The following RAB2A variants were observed in gnomAD, a reference collection of about 807,000 sequenced individuals.
The protein encoded by RAB2A is RAB2A, member RAS oncogene family.
In RAB2A, 7 loss-of-function variants were observed where a neutral mutation model predicts 32.5. The ratio of observed to expected loss-of-function variants is 0.22; its 90% CI spans 0.12 to 0.40. RAB2A has a LOEUF of 0.40. Among genes scored for constraint, RAB2A ranks in the 10% least tolerant of loss-of-function variants. The pLI, the probability that RAB2A is intolerant of heterozygous loss-of-function variation, is 1.00. For missense variants in RAB2A, 108 were observed against 260.7 expected (o/e 0.41, Z 4.03); for synonymous variants, 79 against 85.2 (o/e 0.93, Z 0.40).
intron 1 of RAB2A, among the ~76,000 whole-genome samples, chr8:60,538,732 A>G (rs1807594315): frequency 6.6e-6 from 1 of 152,170 alleles, no homozygotes; most frequent in Non-Finnish European, 1.5e-5. Flanking sequence ...CTGGGGGCAG[A>G]TGGCCATAGA....
rs189274896 is a variant in RAB2A, at chr8:60,605,876, T to C, written c.475-12704T>C. ...ATAATGCTTCATTTCAAGCTGGGGGTGGTGGCTCACGCCTATAATCCCAGC... is the reference window on the plus strand; with the variant it reads ...ATAATGCTTCATTTCAAGCTGGGGGCGGTGGCTCACGCCTATAATCCCAGC... On this transcript the variant is annotated intron_variant, in intron 6 of 7. Coordinates refer to ENST00000262646, the MANE Select transcript of RAB2A (RefSeq NM_002865.3). Among the ~76,000 whole-genome samples the C allele has an allele frequency of 1.4e-3, 195 of 142,724 alleles. 5 individuals carry two copies. In the South Asian group the frequency reaches 0.019, roughly 14 times the overall value. 93.6% of individuals were successfully genotyped at this position (142,724 alleles called of 152,430 possible). A position where few individuals can be genotyped will look rare whatever the true frequency, so the allele number is the denominator to read the frequency against.
At chr8:60,591,131 A>G (rs1223227025) in intron 5 of RAB2A, among the ~76,000 whole-genome samples, 1 of 151,832 alleles carries the variant, frequency 6.6e-6, no homozygotes, top group African/African-American at 2.4e-5. Context: ...AAATATAATA[A>G]TAAAGTTTTT....
At chr8:60,594,771 T>C (rs1803997155) in intron 6 of RAB2A, among the ~76,000 whole-genome samples, 1 of 152,238 alleles carries the variant, frequency 6.6e-6, no homozygotes, top group Non-Finnish European at 1.5e-5. Context: ...CTGAGAATTA[T>C]GGTTTCCAGC....
intron 1 of RAB2A, among the ~76,000 whole-genome samples, chr8:60,549,659 T>C (rs1031948942): frequency 3.3e-5 from 5 of 152,088 alleles, no homozygotes; most frequent in Non-Finnish European, 7.4e-5. Flanking sequence ...ATGAAAGCCA[T>C]TGGCAGGAGA....
At chr8:60,529,516 T>C (rs1424496705) in intron 1 of RAB2A, among the ~76,000 whole-genome samples, 1 of 152,186 alleles carries the variant, frequency 6.6e-6, no homozygotes, top group Non-Finnish European at 1.5e-5. Context: ...GAGGAGTTAC[T>C]CCGTTGTCAT....
chr8:60,575,796 T>A (rs1483788934), intron 3 of RAB2A, among the ~76,000 whole-genome samples: 1 of 151,914 alleles, frequency 6.6e-6, no homozygotes, highest in African/African-American at 2.4e-5. Context: ...TAGCTGGAAT[T>A]ACAGGCATGC....
At chr8:60,523,909 C>G (rs1370405602) in intron 1 of RAB2A, among the ~76,000 whole-genome samples, 2 of 152,042 alleles carry the variant, frequency 1.3e-5, no homozygotes, top group East Asian at 3.9e-4. Context: ...CCAGGATAGT[C>G]TCGATCTCCT....
At chr8:60,520,100 T>C (rs1454872003) in intron 1 of RAB2A, among the ~76,000 whole-genome samples, 1 of 152,186 alleles carries the variant, frequency 6.6e-6, no homozygotes, top group Non-Finnish European at 1.5e-5. Flanking sequence ...CCTATAACCT[T>C]CTCTCAGTAT....
At chr8:60,561,619 A>C (rs1281452392) in intron 2 of RAB2A, among the ~76,000 whole-genome samples, 1 of 152,108 alleles carries the variant, frequency 6.6e-6, no homozygotes, top group African/African-American at 2.4e-5. Context: ...ATTGTCAATA[A>C]CTCCAAAGTT....
intron 6 of RAB2A, among the ~76,000 whole-genome samples, chr8:60,600,340 C>A (rs1035503007): frequency 6.6e-6 from 1 of 152,050 alleles, no homozygotes; most frequent in African/African-American, 2.4e-5. Context: ...AAGAAAAACA[C>A]CCAATGAGCT....
chr8:60,533,300 T>C (rs969293881), intron 1 of RAB2A, among the ~76,000 whole-genome samples: 2 of 152,216 alleles, frequency 1.3e-5, no homozygotes, highest in African/African-American at 4.8e-5. Flanking sequence ...GAAACTCTTG[T>C]TTTAAAGGAA....
chr8:60,565,417 C>CAAAAAAA (rs34983530), intron 2 of RAB2A, among the ~76,000 whole-genome samples: 2 of 111,344 alleles, frequency 1.8e-5, no homozygotes, highest in African/African-American at 6.2e-5. Flanking sequence ...AGACCTGCCT[C>CAAAAAAA]AAAAAAAAAA....
At chr8:60,548,964 G>T (rs1807797123) in intron 1 of RAB2A, among the ~76,000 whole-genome samples, 1 of 151,178 alleles carries the variant, frequency 6.6e-6, no homozygotes, top group South Asian at 2.1e-4. Context: ...CTTCTCAGAC[G>T]GGGCGGCAGG....
Position 60,620,965 on chromosome 8 carries a change from A to T in RAB2A, c.*196A>T, listed in dbSNP as rs1045593798. The T allele has an allele frequency of 5.9e-6, 3 of 511,228 alleles. No homozygotes were observed. Among genetic ancestry groups the T allele is most frequent in the Admixed American group, 3.8e-5 (1 of 26,428 alleles). 31.7% of individuals were successfully genotyped at this position (511,228 alleles called of 1,614,324 possible). A position where few individuals can be genotyped will look rare whatever the true frequency, so the allele number is the denominator to read the frequency against. The stretch of plus-strand genomic sequence containing the variant: ...AAGACAGATTTTGGAGATTGTATTC[A>T]TATCTATTTGCATTTGATTTCTAGG... On this transcript the variant is annotated 3_prime_UTR_variant, in exon 8 of 8. Coordinates refer to ENST00000262646, the MANE Select transcript of RAB2A (RefSeq NM_002865.3).
At chr8:60,526,608 T>C (rs1294008430) in intron 1 of RAB2A, among the ~76,000 whole-genome samples, 1 of 152,156 alleles carries the variant, frequency 6.6e-6, no homozygotes, top group East Asian at 1.9e-4. Flanking sequence ...AGGATGTTAA[T>C]ATCTTTTGGA....
intron 2 of RAB2A, among the ~76,000 whole-genome samples, chr8:60,563,014 TA>T (rs5891768): frequency 2.0e-5 from 3 of 149,976 alleles, no homozygotes; most frequent in Non-Finnish European, 3.0e-5. Context: ...CTTTCAGAGA[TA>T]AAAAAAAAAT....
chr8:60,591,665 TGTTA>T (rs1328570538), intron 5 of RAB2A, 189 bp from the exon 6 acceptor site: 4 of 404,232 alleles, frequency 9.9e-6, no homozygotes, highest in Non-Finnish European at 1.8e-5. Flanking sequence ...TCTGTTGGAT[TGTTA>T]GTTCTTTGAA....
intron 6 of RAB2A, among the ~76,000 whole-genome samples, chr8:60,599,877 A>G (rs533882516): frequency 1.8e-4 from 27 of 152,316 alleles, no homozygotes; most frequent in African/African-American, 6.5e-4. Flanking sequence ...TGTCACCAAA[A>G]GGATGATTCA....
chr8:60,524,155 A>G (rs965624810), intron 1 of RAB2A, among the ~76,000 whole-genome samples: 8 of 151,450 alleles, frequency 5.3e-5, no homozygotes, highest in Non-Finnish European at 7.4e-5. Flanking sequence ...GACTCTCCCT[A>G]CTCATCTTCT....
Sources: gnomAD v4.1 joint callset for allele counts (sites outside exome capture counted in the v4.1 genomes callset) on GRCh38, gnomAD v4.1.1 for gene constraint, MANE v1.5 for transcripts, NCBI Gene and HGNC (gene_info 2026-07-23, HGNC 2026-07-21) for gene names.